The following STAM variants were observed in gnomAD, a reference collection of about 807,000 sequenced individuals.
STAM encodes the protein signal transducing adaptor molecule.
A neutral mutation model predicts 63.4 loss-of-function variants in STAM; 16 were observed. The ratio of observed to expected loss-of-function variants is 0.25; its 90% CI spans 0.17 to 0.38. The LOEUF (loss-of-function observed/expected upper bound fraction) is 0.38. STAM is among the 10% of genes least tolerant of loss of function. The pLI is 1.00. For synonymous variants in STAM, 238 were observed against 223.9 expected (o/e 1.06, Z -0.56); for missense variants, 636 against 657.1 (o/e 0.97, Z 0.35).
chr10:17,673,785 C>T (rs1834735872), intron 2 of STAM, among the ~76,000 whole-genome samples: 1 of 152,252 alleles, frequency 6.6e-6, no homozygotes, highest in African/African-American at 2.4e-5. Context: ...CTCAGCACAG[C>T]ATCTAACACA....
chr10:17,694,933 A>G, intron 6 of STAM, 116 bp from the exon 7 acceptor site: 1 of 887,908 alleles, frequency 1.1e-6, no homozygotes, highest in East Asian at 2.6e-5. Flanking sequence ...GATATGTTCT[A>G]GTTTCTAACT....
chr10:17,688,832 A>G (rs1225554264), intron 5 of STAM, among the ~76,000 whole-genome samples: 1 of 152,134 alleles, frequency 6.6e-6, no homozygotes, highest in Non-Finnish European at 1.5e-5. Flanking sequence ...AAATGCTCTT[A>G]ATGCTATAAT....
intron 13 of STAM, among the ~76,000 whole-genome samples, chr10:17,712,713 T>C (rs1449831351): frequency 6.6e-6 from 1 of 152,212 alleles, no homozygotes; most frequent in Non-Finnish European, 1.5e-5. Flanking sequence ...CCTAGTGTCT[T>C]ACAGTGGAAA....
intron 2 of STAM, among the ~76,000 whole-genome samples, chr10:17,680,929 G>A (rs1020726592): frequency 2.0e-5 from 3 of 152,142 alleles, no homozygotes; most frequent in Non-Finnish European, 4.4e-5. Context: ...TATGAACACG[G>A]GTATACCACT....
chr10:17,686,074 C>T (rs1485001244), intron 4 of STAM, among the ~76,000 whole-genome samples: 5 of 152,110 alleles, frequency 3.3e-5, no homozygotes, highest in African/African-American at 9.7e-5. Context: ...CTGTACTTTT[C>T]GAACATCATG....
At chr10:17,679,361 T>C (rs1460815711) in intron 2 of STAM, among the ~76,000 whole-genome samples, 1 of 152,200 alleles carries the variant, frequency 6.6e-6, no homozygotes, top group Non-Finnish European at 1.5e-5. Context: ...TTTGTGTATC[T>C]TACTTGGAGA....
chr10:17,667,907 G>T (rs1221588869), intron 2 of STAM, among the ~76,000 whole-genome samples: 1 of 151,988 alleles, frequency 6.6e-6, no homozygotes, highest in East Asian at 1.9e-4. Flanking sequence ...GCAGAAGTCA[G>T]TTGCCCTGAA....
intron 2 of STAM, chr10:17,672,988 AG>A: frequency 1.0e-6 from 1 of 980,972 alleles, no homozygotes; most frequent in Non-Finnish European, 1.2e-6. Context: ...AGGAAAAGAG[AG>A]GATGTGTCTT....
intron 1 of STAM, among the ~76,000 whole-genome samples, chr10:17,652,551 C>G (rs76859238): frequency 0.052 from 7,984 of 152,176 alleles, 310 homozygotes; most frequent in Admixed American, 0.098. Flanking sequence ...TATATTTGAT[C>G]AGATAAACTG....
intron 9 of STAM, among the ~76,000 whole-genome samples, chr10:17,702,544 T>C (rs1466884152): frequency 6.6e-6 from 1 of 152,236 alleles, no homozygotes; most frequent in African/African-American, 2.4e-5. Flanking sequence ...TTTAAATGTA[T>C]AAGAAATGAG....
chr10:17,690,985 T>G (rs1360736554), intron 5 of STAM, among the ~76,000 whole-genome samples: 1 of 151,910 alleles, frequency 6.6e-6, no homozygotes, highest in African/African-American at 2.4e-5. Context: ...CTGGTAGAGA[T>G]TTCTTCACAC....
intron 2 of STAM, among the ~76,000 whole-genome samples, chr10:17,677,895 ATTATAC>A (rs797027246): frequency 7.9e-5 from 12 of 152,306 alleles, no homozygotes; most frequent in African/African-American, 2.4e-4. Context: ...GTGCTAACTA[ATTATAC>A]TTAAGCATAT....
At chr10:17,681,190 A>C (rs1218399287) in intron 2 of STAM, among the ~76,000 whole-genome samples, 1 of 140,620 alleles carries the variant, frequency 7.1e-6, no homozygotes, top group East Asian at 2.1e-4. Context: ...GGTGGTATTG[A>C]GATCGTCTTT....
At chr10:17,666,075 C>T (rs954557364) in intron 2 of STAM, among the ~76,000 whole-genome samples, 7 of 152,054 alleles carry the variant, frequency 4.6e-5, no homozygotes, top group Admixed American at 2.0e-4. Context: ...TAAACATAGA[C>T]GTGAGGATAA....
chr10:17,670,872 A>G (rs1554824008), intron 2 of STAM, among the ~76,000 whole-genome samples: 1 of 151,994 alleles, frequency 6.6e-6, no homozygotes, highest in African/African-American at 2.4e-5. Context: ...TGTGTGGATT[A>G]TGTTTTATGT....
intron 1 of STAM, among the ~76,000 whole-genome samples, chr10:17,657,318 G>A (rs1833980741): frequency 6.6e-6 from 1 of 152,144 alleles, no homozygotes; most frequent in Admixed American, 6.5e-5. Context: ...AACATTCCTA[G>A]TGGGTGTGGG....
At chr10:17,664,557 G>C (rs1376990489) in intron 2 of STAM, among the ~76,000 whole-genome samples, 1 of 152,120 alleles carries the variant, frequency 6.6e-6, no homozygotes, top group African/African-American at 2.4e-5. Flanking sequence ...GATATGGGTT[G>C]CTGATGGTCG....
chr10:17,696,877 T>G lies in STAM; in HGVS notation c.823+8T>G. 2 of 1,596,546 alleles carry G rather than the reference T, an allele frequency of 1.3e-6. No individual in the cohort carries two copies. The highest frequency in any genetic ancestry group is 1.7e-6 in the Non-Finnish European group (2 of 1,164,260). On this transcript the variant is annotated splice_region_variant and intron_variant, in intron 8 of 13. Coordinates refer to ENST00000377524, the MANE Select transcript of STAM (RefSeq NM_003473.4). ...CTGCTGAACCAGAAATGAGTAAGTA[T>G]TTTCCAGCCTGCCAATAAATGATGT...
intron 11 of STAM, 23 bp downstream of exon 11, chr10:17,705,047 AT>A: frequency 6.2e-7 from 1 of 1,606,726 alleles, no homozygotes; most frequent in Non-Finnish European, 8.5e-7. Context: ...GGGTGCATTT[AT>A]GTTGTGTACC....
Sources: gnomAD v4.1 joint callset for allele counts (sites outside exome capture counted in the v4.1 genomes callset) on GRCh38, gnomAD v4.1.1 for gene constraint, MANE v1.5 for transcripts, NCBI Gene and HGNC (gene_info 2026-07-23, HGNC 2026-07-21) for gene names.